KIRREL1: variants seen among roughly 807,000 people sequenced by gnomAD.
KIRREL1 encodes kirre like nephrin family adhesion molecule 1, also known as kin of IRRE-like protein 1.
In KIRREL1, 25 loss-of-function variants were observed where a neutral mutation model predicts 83.3. The ratio of observed to expected loss-of-function variants is 0.30; its 90% CI spans 0.22 to 0.42. The LOEUF (loss-of-function observed/expected upper bound fraction) is 0.42. KIRREL1 is among the 10% of genes least tolerant of loss of function. The pLI is 1.00. For missense variants in KIRREL1, 812 were observed against 1,032.3 expected (o/e 0.79, Z 2.92); for synonymous variants, 388 against 410.4 (o/e 0.95, Z 0.66).
chr1:158,021,728 G>T (rs569976568), intron 1 of KIRREL1, among the ~76,000 whole-genome samples: 1 of 150,634 alleles, frequency 6.6e-6, no homozygotes, highest in Non-Finnish European at 1.5e-5. Flanking sequence ...GGCCCTAGAG[G>T]TTCTGGGGGT....
chr1:158,015,310 C>A (rs1239320498), intron 1 of KIRREL1, among the ~76,000 whole-genome samples: 1 of 152,132 alleles, frequency 6.6e-6, no homozygotes, highest in Non-Finnish European at 1.5e-5. Flanking sequence ...TAGGAAGAGT[C>A]CTGTTTTGCA....
chr1:158,012,649 T>C (rs1365156327), intron 1 of KIRREL1, among the ~76,000 whole-genome samples: 1 of 152,264 alleles, frequency 6.6e-6, no homozygotes, highest in Non-Finnish European at 1.5e-5. Context: ...TCTGTTTCCC[T>C]AATGCTTTAT....
intron 1 of KIRREL1, among the ~76,000 whole-genome samples, chr1:158,009,799 C>T (rs1659619908): frequency 6.6e-6 from 1 of 152,202 alleles, no homozygotes; most frequent in Non-Finnish European, 1.5e-5. Flanking sequence ...CTCAGATTGC[C>T]CACCTCAAGC....
Position 158,084,445 on chromosome 1 carries a change from G to T in KIRREL1, c.376G>T (p.Asp126Tyr). The change falls in exon 4 of 15, where the codon GAC becomes TAC. Residue 126 changes from aspartate (D) to tyrosine (Y), a missense_variant. By Grantham distance (160) the Asp-to-Tyr change is radical. Transcript: ENST00000359209. ...AGTCCCCCCAGAGGACACCAGGATT[G>T]ACGGAGGCCCTGTGATTCTACTGCA... ...VLIPPEDTRIDGGPVILLQAG... is the reference protein window; with the variant it reads ...VLIPPEDTRIYGGPVILLQAG... 6.4e-7 allele frequency: 1 copy of T among 1,551,842 alleles called. No homozygotes were observed. The highest frequency in any genetic ancestry group is 1.4e-5 in the African/African-American group (1 of 73,182).
At chr1:158,064,457 A>G (rs1437598721) in intron 1 of KIRREL1, among the ~76,000 whole-genome samples, 4 of 152,194 alleles carry the variant, frequency 2.6e-5, no homozygotes, top group Non-Finnish European at 5.9e-5. Context: ...GTGTAAGTCC[A>G]AAGTAAGAAG....
intron 1 of KIRREL1, among the ~76,000 whole-genome samples, chr1:158,060,965 C>T (rs1283157069): frequency 1.3e-5 from 2 of 152,246 alleles, no homozygotes; most frequent in East Asian, 3.9e-4. Context: ...TTAAACTGCT[C>T]CTGTCCCCAC....
chr1:158,086,800 T>A, intron 5 of KIRREL1, 54 bp downstream of exon 5: 1 of 1,463,768 alleles, frequency 6.8e-7, no homozygotes, highest in Non-Finnish European at 9.4e-7. Context: ...AAGGGGTGTG[T>A]TTGAGAAGCA....
intron 1 of KIRREL1, among the ~76,000 whole-genome samples, chr1:158,033,870 C>T (rs1267195878): frequency 6.6e-6 from 1 of 151,994 alleles, no homozygotes; most frequent in Non-Finnish European, 1.5e-5. Flanking sequence ...ATCCCAGCTA[C>T]TGGGGGGCTG....
intron 1 of KIRREL1, among the ~76,000 whole-genome samples, chr1:158,006,247 G>A (rs1344712658): frequency 6.6e-6 from 1 of 152,136 alleles, no homozygotes; most frequent in African/African-American, 2.4e-5. Context: ...TTTTTCTGAA[G>A]AGAAAGGAAT....
chr1:158,012,509 G>A (rs1320376446), intron 1 of KIRREL1, among the ~76,000 whole-genome samples: 1 of 152,188 alleles, frequency 6.6e-6, no homozygotes, highest in Admixed American at 6.5e-5. Flanking sequence ...AGTGGTATAA[G>A]TTAGCTCTTA....
intron 1 of KIRREL1, among the ~76,000 whole-genome samples, chr1:158,048,975 A>T (rs1660844958): frequency 6.6e-6 from 1 of 152,192 alleles, no homozygotes; most frequent in Non-Finnish European, 1.5e-5. Context: ...GAGCTCAGAG[A>T]GTCCAGAGAA....
chr1:158,000,069 G>GT (rs1292788649), intron 1 of KIRREL1, among the ~76,000 whole-genome samples: 1 of 150,678 alleles, frequency 6.6e-6, no homozygotes, highest in Admixed American at 6.6e-5. Context: ...AAGATGGGGT[G>GT]GGGGCTGAGG....
rs1450108656 is a variant in KIRREL1 at position 158,094,860 on chromosome 1, G to A, written c.2014G>A (p.Ala672Thr). 8.7e-6 allele frequency: 14 copies of A among 1,613,804 alleles called. No individual in the cohort carries two copies. Among genetic ancestry groups the A allele is most frequent in the African/African-American group, 1.3e-5 (1 of 74,902 alleles). Residue 672 changes from alanine (A) to threonine (T), a missense_variant, in exon 15 of 15, where the codon GCC (alanine) becomes ACC (threonine). By Grantham distance (58) the Ala-to-Thr change is moderately conservative (BLOSUM62 0). This residue lies in a region of KIRREL1 where 334 missense variants were observed against 383.7 expected (regional missense o/e 0.87). Transcript: ENST00000359209. This position sits in a 1 kb window ranked among gnomAD's most constrained non-coding sequence, Gnocchi z 4.6. ...TGAGCCCACACCCCCTGGCCCTGCTGCCCCAGCTGGCACTGACACAACCAG... is the reference window on the plus strand; with the variant it reads ...TGAGCCCACACCCCCTGGCCCTGCTACCCCAGCTGGCACTGACACAACCAG... ...GPEPTPPGPA[A>T]PAGTDTTSQL...
At position 158,086,753 on chromosome 1, in the gene KIRREL1, G is replaced by A; in HGVS notation, c.661+7G>A. On this transcript the variant is annotated splice_region_variant and intron_variant, in intron 5 of 14. Coordinates refer to ENST00000359209, the MANE Select transcript of KIRREL1 (RefSeq NM_018240.7). Reference sequence around the variant, plus strand: ...ATCGAGCTGGATGTGCACCGTGAGTGGGCTGGGGGGAGCAGTCTGGAGCAG... The same window carrying A: ...ATCGAGCTGGATGTGCACCGTGAGTAGGCTGGGGGGAGCAGTCTGGAGCAG... The A allele has an allele frequency of 2.6e-6, 4 of 1,550,974 alleles. No individual in the cohort carries two copies. The highest frequency in any genetic ancestry group is 3.5e-6 in the Non-Finnish European group (4 of 1,146,518).
At chr1:158,032,831 C>T (rs1393035789) in intron 1 of KIRREL1, among the ~76,000 whole-genome samples, 1 of 152,302 alleles carries the variant, frequency 6.6e-6, no homozygotes, top group Non-Finnish European at 1.5e-5. Flanking sequence ...AGTGCAATGG[C>T]ACAATCTCGG....
intron 1 of KIRREL1, among the ~76,000 whole-genome samples, chr1:158,001,582 T>C (rs937586209): frequency 2.0e-5 from 3 of 152,106 alleles, no homozygotes; most frequent in Admixed American, 2.0e-4. Flanking sequence ...AGAAGGGACT[T>C]TGCTGTGGGC....
chr1:158,017,649 G>A (rs781486599), intron 1 of KIRREL1, among the ~76,000 whole-genome samples: 2 of 151,876 alleles, frequency 1.3e-5, no homozygotes, highest in Non-Finnish European at 2.9e-5. Context: ...CCGAGATTGC[G>A]CTACTGCACT....
In KIRREL1 at chr1:158,053,243, C is replaced by G. The variant is rs150074107; in HGVS notation, c.53-22870C>G. On this transcript the variant is annotated intron_variant, in intron 1 of 14. Coordinates refer to ENST00000359209, the MANE Select transcript of KIRREL1 (RefSeq NM_018240.7). ...TGGGATTCTACTTCCTGTCTCCATC[C>G]CCCAGTACAGCACCTGACACACAGT... Among the ~76,000 whole-genome samples the G allele has an allele frequency of 4.6e-3, 694 of 152,268 alleles. 7 individuals carry two copies. Among genetic ancestry groups the G allele is most frequent in the Admixed American group, 0.012 (185 of 15,296 alleles).
chr1:158,058,412 T>TCCCTG (rs1661125423), intron 1 of KIRREL1, among the ~76,000 whole-genome samples: 2 of 152,112 alleles, frequency 1.3e-5, no homozygotes, highest in South Asian at 4.1e-4. Flanking sequence ...CCCTCCTCCC[T>TCCCTG]CCCTGCCCTG....
Sources: gnomAD v4.1 joint callset for allele counts (sites outside exome capture counted in the v4.1 genomes callset) on GRCh38, gnomAD v4.1.1 for gene constraint, gnomAD v4.1.1 regional missense constraint, Gnocchi (gnomAD v3.1) non-coding constraint, MANE v1.5 for transcripts, NCBI Gene and HGNC (gene_info 2026-07-23, HGNC 2026-07-21) for gene names.